TRAF3: variants seen among roughly 807,000 people sequenced by gnomAD.
The protein encoded by TRAF3 is TNF receptor-associated factor 3.
In TRAF3, 13 loss-of-function variants were observed where a neutral mutation model predicts 62.3. That is an observed-to-expected ratio of 0.21 (90% CI 0.14 to 0.33). The LOEUF (loss-of-function observed/expected upper bound fraction) is 0.33. Ranked by LOEUF, TRAF3 falls within the 10% of genes least tolerant of loss-of-function variation. The pLI, the probability that TRAF3 is intolerant of heterozygous loss-of-function variation, is 1.00. For synonymous variants in TRAF3, 269 were observed against 283.4 expected (o/e 0.95, Z 0.51); for missense variants, 440 against 741.8 (o/e 0.59, Z 4.73).
chr14:102,799,507 A>G (rs12147246), intron 1 of TRAF3, among the ~76,000 whole-genome samples: 77,544 of 151,902 alleles, frequency 0.51, 22,548 homozygotes, highest in South Asian at 0.74. Flanking sequence ...CTGGAGTGCA[A>G]TGGTGCGATC....
intron 2 of TRAF3, among the ~76,000 whole-genome samples, chr14:102,841,928 C>T: frequency 6.6e-6 from 1 of 152,014 alleles, no homozygotes; most frequent in South Asian, 2.1e-4. Flanking sequence ...ATAAAACTTC[C>T]AGAGATGAAA....
intron 5 of TRAF3, among the ~76,000 whole-genome samples, chr14:102,876,142 CTT>C (rs1448831129): frequency 6.6e-6 from 1 of 152,132 alleles, no homozygotes; most frequent in Non-Finnish European, 1.5e-5. Context: ...GCAGAGTTGA[CTT>C]AATTCTTCAA....
intron 2 of TRAF3, among the ~76,000 whole-genome samples, chr14:102,843,517 T>C (rs1886506806): frequency 6.6e-6 from 1 of 152,052 alleles, no homozygotes; most frequent in South Asian, 2.1e-4. Flanking sequence ...TTTGTATTTT[T>C]TGTAGAAACG....
In TRAF3 at chr14:102,887,369, A is replaced by T. The variant is rs116220823; in HGVS notation, c.651+1100A>T. ...TGAGCAAGAGGGCCCATGTGGGGCT[A>T]GGGCCAGGGACTCAGGGTAGAGGAG... On this transcript the variant is annotated intron_variant, in intron 7 of 11. Transcript: ENST00000392745. Among the ~76,000 whole-genome samples, 474 of 152,322 alleles carry T rather than the reference A, an allele frequency of 3.1e-3. 2 individuals carry two copies. Among genetic ancestry groups the T allele is most frequent in the African/African-American group, 0.011 (446 of 41,594 alleles).
At chr14:102,860,609 A>C (rs1342764875) in intron 2 of TRAF3, among the ~76,000 whole-genome samples, 1 of 152,220 alleles carries the variant, frequency 6.6e-6, no homozygotes, top group Non-Finnish European at 1.5e-5. Context: ...GAGAGAAAGG[A>C]AAATTTAAGA....
intron 7 of TRAF3, among the ~76,000 whole-genome samples, chr14:102,887,079 G>A (rs1428359430): frequency 2.6e-5 from 4 of 152,344 alleles, no homozygotes; most frequent in Non-Finnish European, 5.9e-5. Context: ...TTTGAGACAG[G>A]TAGATTTTGC....
rs537561904 is a variant in TRAF3, at chr14:102,897,674, A to T, written c.960+273A>T. Among the ~76,000 whole-genome samples the T allele has an allele frequency of 2.6e-5, 4 of 152,358 alleles. No homozygotes were observed. The South Asian group carries it at 8.3e-4, about 32-fold the overall frequency. ...ATGCCTTTGATCTACCGTTGGAGAA[A>T]TAAGATGCGAAGCTTGTATTTGTTA... On this transcript the variant is annotated intron_variant, in intron 10 of 11. Transcript: ENST00000392745.
intron 2 of TRAF3, among the ~76,000 whole-genome samples, chr14:102,858,406 G>A (rs1056039717): frequency 2.0e-5 from 3 of 152,122 alleles, no homozygotes; most frequent in Non-Finnish European, 4.4e-5. Flanking sequence ...ACCCACCTCG[G>A]CCTCCCAAAG....
chr14:102,900,546 T>C (rs1377345915), intron 10 of TRAF3, among the ~76,000 whole-genome samples: 3 of 152,224 alleles, frequency 2.0e-5, no homozygotes, highest in Non-Finnish European at 4.4e-5. Flanking sequence ...CCCAGGCTTC[T>C]GGTGTCAGTG....
At chr14:102,835,933 C>T (rs1224113792) in intron 2 of TRAF3, among the ~76,000 whole-genome samples, 1 of 152,152 alleles carries the variant, frequency 6.6e-6, no homozygotes, top group Non-Finnish European at 1.5e-5. Context: ...AATTTGGGCA[C>T]GATGACTCAT....
chr14:102,895,745 T>A (rs1889973904), intron 9 of TRAF3, among the ~76,000 whole-genome samples: 1 of 152,246 alleles, frequency 6.6e-6, no homozygotes, highest in South Asian at 2.1e-4. Context: ...GACCAGGTGT[T>A]AATTTGTCTT....
At chr14:102,829,084 C>T (rs1244520902) in intron 1 of TRAF3, among the ~76,000 whole-genome samples, 1 of 152,168 alleles carries the variant, frequency 6.6e-6, no homozygotes, top group East Asian at 1.9e-4. Flanking sequence ...CTTCGTTTAT[C>T]TTAGAGGGAG....
Position 102,903,535 on chromosome 14 carries a change from G to A in TRAF3, c.1135+106G>A, listed in dbSNP as rs552560667. 17 of 1,514,226 alleles carry A rather than the reference G, an allele frequency of 1.1e-5. No individual in the cohort carries two copies. In the South Asian group the frequency reaches 1.9e-4, roughly 17 times the overall value. 93.8% of individuals were successfully genotyped at this position (1,514,226 alleles called of 1,614,324 possible). A position where few individuals can be genotyped will look rare whatever the true frequency, so the allele number is the denominator to read the frequency against. ...GCTATGTTAGGTACATGTGCCTTAG[G>A]ACAGTTTTTTCTAATTATGGGTAAC... On this transcript the variant is annotated intron_variant, in intron 11 of 11. Coordinates refer to ENST00000392745, the MANE Select transcript of TRAF3 (RefSeq NM_145725.3). The surrounding 1 kb of genome is among the most constrained non-coding windows in gnomAD (Gnocchi z 6.4).
At chr14:102,882,412 T>G (rs925435003) in intron 6 of TRAF3, among the ~76,000 whole-genome samples, 11 of 152,172 alleles carry the variant, frequency 7.2e-5, no homozygotes, top group African/African-American at 2.7e-4. Context: ...CACGCGTGTT[T>G]GGGGTCCTGC....
At chr14:102,786,805 T>G (rs949039010) in intron 1 of TRAF3, among the ~76,000 whole-genome samples, 76 of 152,210 alleles carry the variant, frequency 5.0e-4, no homozygotes, top group African/African-American at 1.7e-3. Context: ...GGCAACATAG[T>G]GTTATAAGAC....
chr14:102,864,947 G>A (rs1375823521), intron 2 of TRAF3, among the ~76,000 whole-genome samples: 1 of 152,210 alleles, frequency 6.6e-6, no homozygotes, highest in Non-Finnish European at 1.5e-5. Flanking sequence ...TGAGAAATGT[G>A]TCTCCAGTGT....
chr14:102,900,680 C>T (rs1339777034), intron 10 of TRAF3, among the ~76,000 whole-genome samples: 3 of 152,326 alleles, frequency 2.0e-5, no homozygotes, highest in East Asian at 1.9e-4. Flanking sequence ...CCGGCACCAC[C>T]GGGCTTCTCA....
intron 1 of TRAF3, among the ~76,000 whole-genome samples, chr14:102,780,759 G>A (rs1897242070): frequency 6.6e-6 from 1 of 152,138 alleles, no homozygotes; most frequent in South Asian, 2.1e-4. Context: ...TTCTCATAAT[G>A]TTCTGGTTAC....
intron 1 of TRAF3, among the ~76,000 whole-genome samples, chr14:102,828,499 A>G (rs1290583997): frequency 6.6e-6 from 1 of 152,226 alleles, no homozygotes; most frequent in African/African-American, 2.4e-5. Context: ...TTACTGATGC[A>G]GTGGGCTTCC....
Sources: gnomAD v4.1 joint callset for allele counts (sites outside exome capture counted in the v4.1 genomes callset) on GRCh38, gnomAD v4.1.1 for gene constraint, Gnocchi (gnomAD v3.1) non-coding constraint, MANE v1.5 for transcripts, NCBI Gene and HGNC (gene_info 2026-07-23, HGNC 2026-07-21) for gene names.